Variants in NFYC observed in about 807,000 individuals in gnomAD.
The protein encoded by NFYC is nuclear transcription factor Y subunit gamma.
Under a neutral mutation model 53.1 loss-of-function variants are expected in NFYC, and 25 were observed. The ratio of observed to expected loss-of-function variants is 0.47; its 90% CI spans 0.34 to 0.66. NFYC has a LOEUF of 0.66. Ranked by LOEUF, NFYC falls within the 30% of genes least tolerant of loss-of-function variation. The probability of loss-of-function intolerance (pLI) is 0.01; values close to 1 mark genes in which losing one functional copy is unlikely to be tolerated. For synonymous variants in NFYC, 145 were observed against 152.6 expected (o/e 0.95, Z 0.37); for missense variants, 260 against 422.7 (o/e 0.62, Z 3.38).
chr1:40,736,540 C>A (rs910254944), intron 1 of NFYC, among the ~76,000 whole-genome samples: 8 of 152,196 alleles, frequency 5.3e-5, no homozygotes, highest in African/African-American at 1.9e-4. Flanking sequence ...CATCCCGTCA[C>A]TGGCACGTTA....
chr1:40,730,186 C>CTTTCT (rs1191854253), intron 1 of NFYC, among the ~76,000 whole-genome samples: 1 of 134,868 alleles, frequency 7.4e-6, no homozygotes, highest in Non-Finnish European at 1.6e-5. Flanking sequence ...GCTAATTTTT[C>CTTTCT]TTTCTTTTCT....
chr1:40,732,940 C>T (rs563245569), intron 1 of NFYC, among the ~76,000 whole-genome samples: 110 of 150,314 alleles, frequency 7.3e-4, no homozygotes, highest in African/African-American at 2.6e-3. Flanking sequence ...TCTGGAATAG[C>T]TTGTGTAACC....
intron 2 of NFYC, among the ~76,000 whole-genome samples, chr1:40,742,144 C>T (rs1232729970): frequency 6.6e-6 from 1 of 151,214 alleles, no homozygotes; most frequent in Non-Finnish European, 1.5e-5. Flanking sequence ...TTCCTGGCCT[C>T]AAGCAATCCT....
At chr1:40,701,401 T>A (rs770047717) in intron 1 of NFYC, among the ~76,000 whole-genome samples, 2 of 152,240 alleles carry the variant, frequency 1.3e-5, no homozygotes, top group African/African-American at 2.4e-5. Flanking sequence ...GCGCCCGGCC[T>A]ACCTTTCTAA....
Position 40,737,619 on chromosome 1 carries a change from G to A in NFYC, c.-8-1217G>A, listed in dbSNP as rs561567644. On this transcript the variant is annotated intron_variant, in intron 1 of 9. Coordinates refer to ENST00000447388, the MANE Select transcript of NFYC (RefSeq NM_014223.5). ...GTTTGGATTACAGGCATGAGCCACC[G>A]CACCTGGCCTCTCCTTCGTTTTTTT... 2.2e-4 allele frequency among the ~76,000 whole-genome samples: 33 copies of A among 152,152 alleles called. 2 individuals carry two copies. In the South Asian group the frequency reaches 3.7e-3, roughly 17 times the overall value.
At chr1:40,694,150 C>T (rs1301335903) in intron 1 of NFYC, among the ~76,000 whole-genome samples, 2 of 152,336 alleles carry the variant, frequency 1.3e-5, no homozygotes, top group African/African-American at 4.8e-5. Flanking sequence ...CTACCAAGTG[C>T]CTAGTGTAAA....
At chr1:40,748,591 T>C (rs1645744039) in intron 3 of NFYC, among the ~76,000 whole-genome samples, 3 of 152,222 alleles carry the variant, frequency 2.0e-5, no homozygotes, top group East Asian at 3.8e-4. Flanking sequence ...TTTTGATCTA[T>C]GAGTTTCTTT....
chr1:40,764,150 C>T (rs2148784103), intron 7 of NFYC, among the ~76,000 whole-genome samples: 1 of 152,290 alleles, frequency 6.6e-6, no homozygotes, highest in South Asian at 2.1e-4. Context: ...GTCATTTTGA[C>T]CCCCCAAAAC....
intron 1 of NFYC, among the ~76,000 whole-genome samples, chr1:40,714,630 T>C (rs774294327): frequency 3.3e-5 from 5 of 152,208 alleles, no homozygotes; most frequent in African/African-American, 7.2e-5. Context: ...TTCCTTTTTT[T>C]TGGAGACAAG....
At chr1:40,746,937 T>C (rs1250493538) in intron 2 of NFYC, among the ~76,000 whole-genome samples, 1 of 152,148 alleles carries the variant, frequency 6.6e-6, no homozygotes, top group Non-Finnish European at 1.5e-5. Flanking sequence ...CTACCCCCAC[T>C]TGAAACAAAT....
At position 40,771,314 on chromosome 1, in the gene NFYC, G is replaced by C. The variant is rs1483227376; in HGVS notation, c.*486G>C. On this transcript the variant is annotated 3_prime_UTR_variant, in exon 10 of 10. Coordinates refer to ENST00000447388, the MANE Select transcript of NFYC (RefSeq NM_014223.5). ...TGGAATTAGGTGAATGTGTGTAGCT[G>C]CTTTTTCACTCGTGGTCCTCTCCCC... The C allele has an allele frequency of 5.2e-6, 2 of 388,262 alleles. No homozygotes were observed. Among genetic ancestry groups the C allele is most frequent in the African/African-American group, 2.1e-5 (1 of 46,848 alleles). The allele number at this position is 388,262 out of a possible 1,614,324, so 24.1% of individuals were successfully genotyped here.
chr1:40,707,234 C>G (rs777897062), intron 1 of NFYC, among the ~76,000 whole-genome samples: 2 of 151,760 alleles, frequency 1.3e-5, no homozygotes, highest in Admixed American at 6.6e-5. Context: ...TGGCTCACTC[C>G]TGTAATCCCA....
intron 6 of NFYC, among the ~76,000 whole-genome samples, chr1:40,759,771 A>G (rs1052134577): frequency 2.0e-5 from 3 of 152,100 alleles, no homozygotes; most frequent in African/African-American, 7.2e-5. Flanking sequence ...AGTAGAGGGC[A>G]CAGCACAGGC....
At position 40,755,456 on chromosome 1, in the gene NFYC, G is replaced by A. The variant is rs556687883; in HGVS notation, c.387+2210G>A. 4.6e-5 allele frequency among the ~76,000 whole-genome samples: 7 copies of A among 152,344 alleles called. No individual in the cohort carries two copies. The South Asian group carries it at 1.4e-3, about 32-fold the overall frequency. On this transcript the variant is annotated intron_variant, in intron 5 of 9. Transcript: ENST00000447388. ...GCCCTGACTTCTCAAAGATACTTGAGAGTTTCGCTTGTTCTTCAGAGAAGC... is the reference window on the plus strand; with the variant it reads ...GCCCTGACTTCTCAAAGATACTTGAAAGTTTCGCTTGTTCTTCAGAGAAGC...
At chr1:40,726,686 G>C (rs192003084) in intron 1 of NFYC, among the ~76,000 whole-genome samples, 3 of 152,220 alleles carry the variant, frequency 2.0e-5, no homozygotes, top group African/African-American at 7.2e-5. Context: ...CAAAGTGCTG[G>C]GATTACTGGC....
At chr1:40,765,580 C>G (rs1305562406) in intron 7 of NFYC, among the ~76,000 whole-genome samples, 1 of 152,212 alleles carries the variant, frequency 6.6e-6, no homozygotes, top group Non-Finnish European at 1.5e-5. Context: ...GAAGCTTCCC[C>G]TTGCAACAAA....
chr1:40,755,283 G>T (rs1248186316), intron 5 of NFYC, among the ~76,000 whole-genome samples: 1 of 152,234 alleles, frequency 6.6e-6, no homozygotes, highest in Non-Finnish European at 1.5e-5. Context: ...CCAAGAGCAA[G>T]CCCTGTAGTT....
At chr1:40,702,008 TG>T (rs1452790776) in intron 1 of NFYC, among the ~76,000 whole-genome samples, 6 of 152,198 alleles carry the variant, frequency 3.9e-5, no homozygotes, top group Admixed American at 2.0e-4. Context: ...TACACATCCC[TG>T]TCAAGTGTTC....
intron 1 of NFYC, among the ~76,000 whole-genome samples, chr1:40,724,930 A>G (rs1644456157): frequency 6.6e-6 from 1 of 152,266 alleles, no homozygotes; most frequent in African/African-American, 2.4e-5. Context: ...ATGGTTTTCC[A>G]GTAGGCACTT....
Sources: allele counts gnomAD v4.1 joint callset (sites outside exome capture counted in the v4.1 genomes callset), GRCh38; gene constraint gnomAD v4.1.1; transcripts MANE v1.5; gene names NCBI Gene and HGNC (gene_info 2026-07-23, HGNC 2026-07-21).